Variants in KLRK1 observed in about 807,000 individuals in gnomAD.
KLRK1 encodes NKG2-D type II integral membrane protein.
KLRK1 carries 40 observed loss-of-function variants against 31.3 expected under a neutral mutation model. The ratio of observed to expected loss-of-function variants is 1.28; its 90% CI spans 0.99 to 1.67. The LOEUF is 1.67. Among genes scored for constraint, KLRK1 ranks in the 40% most tolerant of loss-of-function variants. The pLI is 0.00. For synonymous variants in KLRK1, 77 were observed against 77.3 expected (o/e 1.00, Z 0.02); for missense variants, 251 against 260.0 (o/e 0.97, Z 0.24).
Position 10,378,359 on chromosome 12 carries a change from A to G in KLRK1, c.430-124T>C. 4.6e-6 allele frequency: 6 copies of G among 1,303,436 alleles called. No individual in the cohort carries two copies. The East Asian group carries it at 1.2e-4, about 26-fold the overall frequency. 80.7% of individuals were successfully genotyped at this position (1,303,436 alleles called of 1,614,324 possible). ...AAATGCATTCTGTCCACTAACTGGC[A>G]TAATTCTCATCCGAGCACACATACA... On this transcript the variant is annotated intron_variant, in intron 6 of 7. Transcript: ENST00000240618.
chr12:10,377,839 T>A (rs1302252131), intron 7 of KLRK1, among the ~76,000 whole-genome samples: 1 of 152,244 alleles, frequency 6.6e-6, no homozygotes, highest in African/African-American at 2.4e-5. Context: ...AAGAAATGTA[T>A]GTAATATTTA....
rs1437947674 is a variant in KLRK1 at position 10,373,081 on chromosome 12, G to T, written c.*33C>A. The T allele has an allele frequency of 6.3e-6, 10 of 1,590,246 alleles. No homozygotes were observed. The East Asian group carries it at 2.2e-4, about 36-fold the overall frequency. ...TTACCGCTGGTGTAATCTCTTCTCT[G>T]TTCCTGGCTTTTATTGAGATGGTTG... On this transcript the variant is annotated 3_prime_UTR_variant, in exon 8 of 8. Coordinates refer to ENST00000240618, the MANE Select transcript of KLRK1 (RefSeq NM_007360.4).
chr12:10,388,732 A>G (rs1363911198), intron 2 of KLRK1, 39 bp downstream of exon 2: 1 of 1,613,132 alleles, frequency 6.2e-7, no homozygotes, highest in Non-Finnish European at 8.5e-7. Context: ...TTAAAATTGT[A>G]TAAAAACAAA....
chr12:10,386,968 C>T lies in KLRK1; in HGVS notation c.83G>A (p.Ser28Asn). Residue 28 changes from serine (S) to asparagine (N), a missense_variant, in exon 3 of 8, where the codon AGT becomes AAT. By Grantham distance (46) the Ser-to-Asn change is conservative. Coordinates refer to ENST00000240618, the MANE Select transcript of KLRK1 (RefSeq NM_007360.4). ...FHNYNLDLKK[S>N]DFSTRWQKQR... is the part of the protein sequence containing the mutation. ...CTTTTGCCATCGTGTTGAAAAATCACTCTTCTTCAGATCCAAGTTATAATT... is the reference window on the plus strand; with the variant it reads ...CTTTTGCCATCGTGTTGAAAAATCATTCTTCTTCAGATCCAAGTTATAATT... The T allele has an allele frequency of 6.2e-7, 1 of 1,611,662 alleles. No individual in the cohort carries two copies. Among genetic ancestry groups the T allele is most frequent in the Non-Finnish European group, 8.5e-7 (1 of 1,178,876 alleles).
intron 3 of KLRK1, among the ~76,000 whole-genome samples, chr12:10,381,453 A>AAAAGT (rs1270063856): frequency 2.0e-5 from 3 of 152,196 alleles, no homozygotes; most frequent in African/African-American, 7.2e-5. Context: ...AAAAATACAC[A>AAAAGT]AAAGTATAAA....
chr12:10,383,393 A>C (rs947897271), intron 3 of KLRK1, among the ~76,000 whole-genome samples: 2 of 152,120 alleles, frequency 1.3e-5, no homozygotes, highest in Non-Finnish European at 1.5e-5. Context: ...AAAGAGTAAA[A>C]AAGAGTCAAA....
At chr12:10,381,035 G>A (rs1863065073) in intron 3 of KLRK1, among the ~76,000 whole-genome samples, 1 of 151,984 alleles carries the variant, frequency 6.6e-6, no homozygotes. Context: ...CCAACCAAAG[G>A]TGTAGTCATG....
intron 3 of KLRK1, among the ~76,000 whole-genome samples, chr12:10,380,209 G>T (rs1863047579): frequency 6.6e-6 from 1 of 151,786 alleles, no homozygotes; most frequent in East Asian, 1.9e-4. Flanking sequence ...GGGACTACAG[G>T]TGCCCGCCAC....
At chr12:10,379,566 T>C in intron 4 of KLRK1, 84 bp from the exon 5 acceptor site, 1 of 1,310,090 alleles carries the variant, frequency 7.6e-7, no homozygotes, top group African/African-American at 1.5e-5. Context: ...ATTTCTGGAC[T>C]AATAGCAAAA....
At chr12:10,377,487 A>T (rs1413248637) in intron 7 of KLRK1, among the ~76,000 whole-genome samples, 1 of 152,232 alleles carries the variant, frequency 6.6e-6, no homozygotes, top group Non-Finnish European at 1.5e-5. Flanking sequence ...AGATGGCTGA[A>T]TCTCAAGATA....
At chr12:10,388,919 C>A in intron 1 of KLRK1, 44 bp from the exon 2 acceptor site, 4 of 1,317,734 alleles carry the variant, frequency 3.0e-6, no homozygotes, top group South Asian at 1.4e-5. Context: ...TTCTCTTTCC[C>A]GTGGTGAGAT....
At chr12:10,377,570 A>G (rs59889954) in intron 7 of KLRK1, among the ~76,000 whole-genome samples, 2,546 of 96,214 alleles carry the variant, frequency 0.026, 62 homozygotes, top group African/African-American at 0.066. Context: ...AATTCTATGA[A>G]TTGCAAACTA....
At chr12:10,380,664 C>T (rs930338921) in intron 3 of KLRK1, among the ~76,000 whole-genome samples, 7 of 152,138 alleles carry the variant, frequency 4.6e-5, no homozygotes, top group Non-Finnish European at 8.8e-5. Context: ...TAAACAGGAG[C>T]TCCCCAGCAG....
At chr12:10,377,866 C>T (rs1171615572) in intron 7 of KLRK1, among the ~76,000 whole-genome samples, 1 of 152,160 alleles carries the variant, frequency 6.6e-6, no homozygotes. Flanking sequence ...CTGTTTCTGT[C>T]TCTTTATCTG....
Position 10,372,958 on chromosome 12 carries a change from T to C in KLRK1, c.*156A>G. ...AGAATCATGCATGTTTGCAGTGAAA[T>C]TGTTCTATGGTTTGGTCCTGTGGAG... On this transcript the variant is annotated 3_prime_UTR_variant, in exon 8 of 8. Transcript: ENST00000240618. The C allele has an allele frequency of 1.6e-6, 1 of 626,000 alleles. No homozygotes were observed. Among genetic ancestry groups the C allele is most frequent in the South Asian group, 1.9e-5 (1 of 51,714 alleles). The allele number at this position is 626,000 out of a possible 1,614,324, so 38.8% of individuals were successfully genotyped here.
intron 3 of KLRK1, 58 bp downstream of exon 3, chr12:10,386,845 T>C (rs1280612468): frequency 7.3e-7 from 1 of 1,367,574 alleles, no homozygotes. Context: ...TTTAATCACA[T>C]AGTTTCCAAG....
rs540099670 is a variant in KLRK1, at chr12:10,378,721, ATAT to A, written c.278-19_278-17del. 428 of 1,582,850 alleles carry A rather than the reference ATAT, an allele frequency of 2.7e-4. 1 individual carries two copies. The highest frequency in any genetic ancestry group is 5.3e-4 in the Middle Eastern group (3 of 5,652). On this transcript the variant is annotated splice_polypyrimidine_tract_variant and intron_variant, in intron 5 of 7. Coordinates refer to ENST00000240618, the MANE Select transcript of KLRK1 (RefSeq NM_007360.4). ...CAGTAACTTTCTGGAAAAGGAGAAT[ATAT>A]TATTAATTCTACACATCTGAACCAT... is the stretch of plus-strand genomic sequence containing the variant.
At chr12:10,387,655 C>T (rs1013102474) in intron 2 of KLRK1, among the ~76,000 whole-genome samples, 2 of 151,516 alleles carry the variant, frequency 1.3e-5, no homozygotes, top group Non-Finnish European at 2.9e-5. Flanking sequence ...AAGCGGTTCT[C>T]CTGCCTCAGC....
chr12:10,387,182 TTTACTA>T (rs1169518665), intron 2 of KLRK1, among the ~76,000 whole-genome samples, 172 bp from the exon 3 acceptor site: 1 of 152,224 alleles, frequency 6.6e-6, no homozygotes, highest in Non-Finnish European at 1.5e-5. Context: ...ATGTTTACAC[TTTACTA>T]TATAAATAAA....
Sources: gnomAD v4.1 joint callset for allele counts (sites outside exome capture counted in the v4.1 genomes callset) on GRCh38, gnomAD v4.1.1 for gene constraint, MANE v1.5 for transcripts, NCBI Gene and HGNC (gene_info 2026-07-23, HGNC 2026-07-21) for gene names.